The following OPCML variants were observed in gnomAD, a reference collection of about 807,000 sequenced individuals.
OPCML encodes the protein opioid-binding protein/cell adhesion molecule.
In OPCML, 13 loss-of-function variants were observed where a neutral mutation model predicts 37.8. The observed-to-expected ratio is 0.34, with a 90% confidence interval of 0.22 to 0.55. The LOEUF is 0.55. OPCML is among the 20% of genes least tolerant of loss of function. The pLI, the probability that OPCML is intolerant of heterozygous loss-of-function variation, is 0.91. For synonymous variants in OPCML, 176 were observed against 168.8 expected (o/e 1.04, Z -0.33); for missense variants, 341 against 435.6 (o/e 0.78, Z 1.93).
rs910987515 is a variant in OPCML at position 132,635,649 on chromosome 11, G to A, written c.379+21438C>T. ...ACAGACATACTTAATCTATTATCTC[G>A]ATAAAATCAACTTCAAGGAAGATCT... is the stretch of plus-strand genomic sequence containing the variant. On this transcript the variant is annotated intron_variant, in intron 3 of 7. Transcript: ENST00000524381. Among the ~76,000 whole-genome samples, 8 of 151,480 alleles carry A rather than the reference G, an allele frequency of 5.3e-5. 1 individual carries two copies. Among genetic ancestry groups the A allele is most frequent in the Admixed American group, 4.6e-4 (7 of 15,226 alleles).
rs142273787 is a variant in OPCML, at chr11:133,245,321, C to A, written c.61+286943G>T. Among the ~76,000 whole-genome samples the A allele has an allele frequency of 4.6e-3, 699 of 152,312 alleles. 4 individuals are homozygous for A. Among genetic ancestry groups the A allele is most frequent in the African/African-American group, 0.016 (660 of 41,568 alleles). Reference sequence around the variant, plus strand: ...CTGTAAGGAACTGAAAAGTTCTTTACAGTTAACTTTTAGGAACTTTTAGAC... The same window carrying A: ...CTGTAAGGAACTGAAAAGTTCTTTAAAGTTAACTTTTAGGAACTTTTAGAC... On this transcript the variant is annotated intron_variant, in intron 1 of 7. Transcript: ENST00000524381.
intron 3 of OPCML, among the ~76,000 whole-genome samples, chr11:132,596,346 CTCCTT>C (rs1271386314): frequency 4.6e-5 from 7 of 152,174 alleles, no homozygotes; most frequent in African/African-American, 1.7e-4. Flanking sequence ...ATGTGTCTCC[CTCCTT>C]TCTTCTTTTT....
At chr11:133,444,482 T>C (rs1278472178) in intron 1 of OPCML, among the ~76,000 whole-genome samples, 1 of 152,126 alleles carries the variant, frequency 6.6e-6, no homozygotes, top group Non-Finnish European at 1.5e-5. Context: ...TATATAGGTC[T>C]GAAAAAATGT....
intron 1 of OPCML, among the ~76,000 whole-genome samples, chr11:133,518,542 T>C (rs1003089922): frequency 2.6e-5 from 4 of 152,024 alleles, no homozygotes; most frequent in Admixed American, 1.3e-4. Context: ...TGTGTGCATA[T>C]AAATTTGCAT....
chr11:133,243,104 G>C (rs1940791805), intron 1 of OPCML, among the ~76,000 whole-genome samples: 1 of 152,168 alleles, frequency 6.6e-6, no homozygotes, highest in Non-Finnish European at 1.5e-5. Flanking sequence ...GGAGAGACCT[G>C]TGAAACTCCA....
At chr11:133,340,782 A>G (rs1181310038) in intron 1 of OPCML, among the ~76,000 whole-genome samples, 2 of 152,068 alleles carry the variant, frequency 1.3e-5, no homozygotes, top group Non-Finnish European at 2.9e-5. Flanking sequence ...AAGTGTATGT[A>G]TAAGAAAATG....
At chr11:133,329,088 T>A (rs1199865062) in intron 1 of OPCML, among the ~76,000 whole-genome samples, 1 of 152,104 alleles carries the variant, frequency 6.6e-6, no homozygotes, top group African/African-American at 2.4e-5. Context: ...TCACAATTGC[T>A]TCAAAGAGAA....
chr11:132,562,396 G>T (rs1232681194), intron 3 of OPCML, among the ~76,000 whole-genome samples: 1 of 151,982 alleles, frequency 6.6e-6, no homozygotes, highest in Non-Finnish European at 1.5e-5. Flanking sequence ...TTGGCATTTG[G>T]GTAGCTTCAA....
intron 1 of OPCML, among the ~76,000 whole-genome samples, chr11:133,012,736 A>G (rs10791269): frequency 0.86 from 130,751 of 151,926 alleles, 56,680 homozygotes; most frequent in African/African-American, 0.96. Flanking sequence ...TTAGACGGGC[A>G]TGGTGGCACA....
At chr11:132,540,303 C>T (rs547598873) in intron 3 of OPCML, among the ~76,000 whole-genome samples, 35 of 152,276 alleles carry the variant, frequency 2.3e-4, no homozygotes, top group South Asian at 2.1e-4. Context: ...TAATTAAGGA[C>T]TGTCATTTGT....
intron 1 of OPCML, among the ~76,000 whole-genome samples, chr11:132,946,688 C>A (rs1945751616): frequency 6.6e-6 from 1 of 152,152 alleles, no homozygotes; most frequent in Non-Finnish European, 1.5e-5. Flanking sequence ...GCAGTGGGGT[C>A]CAGGTCTCAT....
At chr11:133,299,533 T>A (rs562393613) in intron 1 of OPCML, 1 of 152,354 alleles carries the variant, frequency 6.6e-6, no homozygotes, top group Admixed American at 6.5e-5. Context: ...CCCAATCACT[T>A]ATTTCCCAAT....
intron 1 of OPCML, among the ~76,000 whole-genome samples, chr11:133,220,093 A>C (rs902512306): frequency 6.6e-6 from 1 of 152,146 alleles, no homozygotes; most frequent in African/African-American, 2.4e-5. Context: ...ACTGTTGAGG[A>C]AGCTTCAACA....
chr11:133,254,774 G>A (rs1941256090), intron 1 of OPCML, among the ~76,000 whole-genome samples: 1 of 152,194 alleles, frequency 6.6e-6, no homozygotes, highest in African/African-American at 2.4e-5. Context: ...TTGCAGGGGA[G>A]TGCACTGGAG....
chr11:133,259,900 GA>G (rs2136453878), intron 1 of OPCML, among the ~76,000 whole-genome samples: 1 of 152,246 alleles, frequency 6.6e-6, no homozygotes, highest in East Asian at 1.9e-4. Flanking sequence ...ATACGGTAGT[GA>G]ACATAACAGA....
At chr11:132,501,237 G>T (rs1256282354) in intron 4 of OPCML, among the ~76,000 whole-genome samples, 1 of 152,134 alleles carries the variant, frequency 6.6e-6, no homozygotes, top group Non-Finnish European at 1.5e-5. Context: ...ACCCAAGATG[G>T]ATCAAAGACT....
At chr11:133,368,801 C>A (rs1944609609) in intron 1 of OPCML, among the ~76,000 whole-genome samples, 1 of 152,126 alleles carries the variant, frequency 6.6e-6, no homozygotes, top group African/African-American at 2.4e-5. Context: ...AGGATAGGAG[C>A]CATCTTTCTG....
intron 1 of OPCML, chr11:133,004,013 C>T (rs1371065243): frequency 1.0e-6 from 1 of 985,280 alleles, no homozygotes; most frequent in African/African-American, 1.7e-5. Context: ...GCACACGTCT[C>T]TCACCGCTCT....
At position 132,902,516 on chromosome 11, in the gene OPCML, G is replaced by A. The variant is rs1046961945; in HGVS notation, c.146+40410C>T. The stretch of plus-strand genomic sequence containing the variant: ...ACTCAGGCCAGAAAACTATGCTGAC[G>A]ATCTCATCAGGGATGGGGGAGAAGA... On this transcript the variant is annotated intron_variant, in intron 2 of 7. Transcript: ENST00000524381. Among the ~76,000 whole-genome samples, 4 of 152,116 alleles carry A rather than the reference G, an allele frequency of 2.6e-5. No individual in the cohort carries two copies. The East Asian group carries it at 7.7e-4, about 29-fold the overall frequency.
Sources: gnomAD v4.1 joint callset for allele counts (sites outside exome capture counted in the v4.1 genomes callset) on GRCh38, gnomAD v4.1.1 for gene constraint, MANE v1.5 for transcripts, NCBI Gene and HGNC (gene_info 2026-07-23, HGNC 2026-07-21) for gene names.